The following GAP43 variants were observed in gnomAD, a reference collection of about 807,000 sequenced individuals.
The protein encoded by GAP43 is neuromodulin.
In GAP43, 6 loss-of-function variants were observed where a neutral mutation model predicts 18.6. The ratio of observed to expected loss-of-function variants is 0.32; its 90% CI spans 0.18 to 0.64. The LOEUF (loss-of-function observed/expected upper bound fraction) is 0.64. Ranked by LOEUF, GAP43 falls within the 30% of genes least tolerant of loss-of-function variation. The pLI is 0.78. For synonymous variants in GAP43, 115 were observed against 111.4 expected (o/e 1.03, Z -0.20); for missense variants, 292 against 295.5 (o/e 0.99, Z 0.09).
At chr3:115,662,117 A>G (rs1392958393) in intron 1 of GAP43, among the ~76,000 whole-genome samples, 1 of 152,102 alleles carries the variant, frequency 6.6e-6, no homozygotes, top group East Asian at 1.9e-4. Flanking sequence ...CTTAGATTGA[A>G]TGTTATAGTG....
At chr3:115,709,752 ATCAG>A (rs1709410202) in intron 2 of GAP43, among the ~76,000 whole-genome samples, 1 of 152,070 alleles carries the variant, frequency 6.6e-6, no homozygotes, top group African/African-American at 2.4e-5. Context: ...TTACTGGATA[ATCAG>A]TCATATTGTA....
At chr3:115,650,676 G>A (rs1198068423) in intron 1 of GAP43, among the ~76,000 whole-genome samples, 2 of 152,134 alleles carry the variant, frequency 1.3e-5, no homozygotes, top group African/African-American at 2.4e-5. Flanking sequence ...ATCCACAGGT[G>A]CTTTCTTGCT....
intron 1 of GAP43, among the ~76,000 whole-genome samples, chr3:115,660,381 A>G (rs1307715918): frequency 5.3e-5 from 8 of 152,244 alleles, no homozygotes; most frequent in African/African-American, 1.9e-4. Flanking sequence ...TTCTAGAGAA[A>G]TAGGGAAACA....
chr3:115,629,449 A>G (rs1052420870), intron 1 of GAP43, among the ~76,000 whole-genome samples: 2 of 148,964 alleles, frequency 1.3e-5, no homozygotes, highest in African/African-American at 2.5e-5. Flanking sequence ...CCAAGATTTC[A>G]GGCCTTGGTG....
At chr3:115,674,503 G>A (rs1708855922) in intron 1 of GAP43, among the ~76,000 whole-genome samples, 1 of 152,130 alleles carries the variant, frequency 6.6e-6, no homozygotes, top group Non-Finnish European at 1.5e-5. Flanking sequence ...CCATCAAAAG[G>A]TAACATTCTA....
intron 1 of GAP43, among the ~76,000 whole-genome samples, chr3:115,661,830 G>GTTTTTTTTTTTTTTTTTTTTTTT (rs1576986136): frequency 2.1e-4 from 6 of 28,648 alleles, no homozygotes; most frequent in African/African-American, 8.3e-4. Flanking sequence ...AGAAACTAGG[G>GTTTTTTTTTTTTTTTTTTTTTTT]CTTTTTTTTT....
chr3:115,630,031 T>G (rs1406086524), intron 1 of GAP43, among the ~76,000 whole-genome samples: 8 of 152,130 alleles, frequency 5.3e-5, no homozygotes, highest in Non-Finnish European at 1.2e-4. Flanking sequence ...CTCCCCTCCA[T>G]GTCCTCCTCG....
At position 115,711,666 on chromosome 3, in the gene GAP43, C is replaced by T. The variant is rs1011745771; in HGVS notation, c.629-9128C>T. Among the ~76,000 whole-genome samples, 5 of 152,110 alleles carry T rather than the reference C, an allele frequency of 3.3e-5. No homozygotes were observed. In the East Asian group the frequency reaches 9.6e-4, roughly 29 times the overall value. On this transcript the variant is annotated intron_variant, in intron 2 of 2. Coordinates refer to ENST00000305124, the MANE Select transcript of GAP43 (RefSeq NM_002045.4). The stretch of plus-strand genomic sequence containing the variant: ...TGCCATTGGAACCATCAGTGTTTAT[C>T]TTTAGGCTGACTCTGCATTCTACCT...
chr3:115,625,217 A>AAAT (rs1708171482), intron 1 of GAP43, among the ~76,000 whole-genome samples: 1 of 150,890 alleles, frequency 6.6e-6, no homozygotes, highest in Non-Finnish European at 1.5e-5. Flanking sequence ...ATAAATAAAT[A>AAAT]AATAAATAAA....
At chr3:115,702,546 CAGTTA>C (rs1318558002) in intron 2 of GAP43, among the ~76,000 whole-genome samples, 2 of 152,106 alleles carry the variant, frequency 1.3e-5, no homozygotes, top group Non-Finnish European at 2.9e-5. Context: ...AATGCACCAA[CAGTTA>C]AGGAGATGAT....
At chr3:115,666,086 T>C (rs1708729710) in intron 1 of GAP43, among the ~76,000 whole-genome samples, 1 of 151,822 alleles carries the variant, frequency 6.6e-6, no homozygotes, top group Non-Finnish European at 1.5e-5. Context: ...AGATTTCTAG[T>C]TTCAGTGAAT....
chr3:115,647,016 C>T (rs912035140), intron 1 of GAP43, among the ~76,000 whole-genome samples: 1 of 151,980 alleles, frequency 6.6e-6, no homozygotes, highest in Non-Finnish European at 1.5e-5. Context: ...AATGTTAGTT[C>T]CCCTCACATT....
intron 2 of GAP43, among the ~76,000 whole-genome samples, chr3:115,695,738 C>T (rs1709179742): frequency 1.3e-5 from 2 of 152,050 alleles, no homozygotes; most frequent in Admixed American, 1.3e-4. Flanking sequence ...TACCCACTCC[C>T]CAAACTCCCC....
chr3:115,639,622 T>C (rs1157429256), intron 1 of GAP43, among the ~76,000 whole-genome samples: 1 of 152,108 alleles, frequency 6.6e-6, no homozygotes, highest in Non-Finnish European at 1.5e-5. Context: ...TTTTTTCTTG[T>C]CCCCCTTTAT....
chr3:115,695,851 C>T (rs945286351), intron 2 of GAP43, among the ~76,000 whole-genome samples: 2 of 152,180 alleles, frequency 1.3e-5, no homozygotes, highest in East Asian at 1.9e-4. Context: ...TTAACAGCAT[C>T]GCAGAGTTGA....
chr3:115,682,154 A>G (rs192448733), intron 2 of GAP43, among the ~76,000 whole-genome samples: 1 of 152,266 alleles, frequency 6.6e-6, no homozygotes, highest in Admixed American at 6.5e-5. Context: ...TCACCCCAGA[A>G]TTATTAGGGA....
chr3:115,676,051 T>C lies in GAP43; in HGVS notation c.69T>C (p.Asp23=). Residue 23 remains aspartate (D), a synonymous_variant, in exon 2 of 3, where the codon GAT becomes GAC. Transcript: ENST00000305124. ...ATGACGACCAAAAGATTGAACAAGA[T>C]GGTATCAAACCAGAAGATAAAGCTC... ...KNDDDQKIEQ[D]GIKPEDKAHK... 2.5e-6 allele frequency: 4 copies of C among 1,612,580 alleles called. No homozygotes were observed. The highest frequency in any genetic ancestry group is 3.4e-6 in the Non-Finnish European group (4 of 1,179,678).
intron 1 of GAP43, among the ~76,000 whole-genome samples, chr3:115,628,015 G>T (rs1202329518): frequency 1.3e-5 from 2 of 152,076 alleles, no homozygotes; most frequent in East Asian, 1.9e-4. Context: ...TGAACACTTT[G>T]CTTACCTTAA....
intron 1 of GAP43, among the ~76,000 whole-genome samples, chr3:115,662,954 C>T (rs751340912): frequency 3.3e-5 from 5 of 152,130 alleles, no homozygotes; most frequent in African/African-American, 7.2e-5. Context: ...ATTCAAGAGT[C>T]GTAAAATTTG....
Sources: allele counts gnomAD v4.1 joint callset (sites outside exome capture counted in the v4.1 genomes callset), GRCh38; gene constraint gnomAD v4.1.1; transcripts MANE v1.5; gene names NCBI Gene and HGNC (gene_info 2026-07-23, HGNC 2026-07-21).